The following PRAMEF19 variants were observed in gnomAD, a reference collection of about 807,000 sequenced individuals.
PRAMEF19 encodes the protein PRAME family member-like.
In PRAMEF19, 21 loss-of-function variants were observed where a neutral mutation model predicts 33.1. The observed-to-expected ratio is 0.63, with a 90% CI of 0.45 to 0.91. The LOEUF is 0.91. Ranked by LOEUF, PRAMEF19 falls within the 40% of genes least tolerant of loss-of-function variation. PRAMEF19 has a pLI of 0.00. For missense variants in PRAMEF19, 481 were observed against 585.2 expected (o/e 0.82, Z 1.84); for synonymous variants, 179 against 229.3 (o/e 0.78, Z 1.98).
intron 2 of PRAMEF19, 72 bp downstream of exon 2, chr1:13,370,577 C>G: frequency 6.3e-7 from 1 of 1,587,758 alleles, no homozygotes. Flanking sequence ...ACAGTAGATG[C>G]TGACTAGTGT....
At chr1:13,368,575 A>G (rs1244143092), downstream of PRAMEF19, among the ~76,000 whole-genome samples, 1 of 152,186 alleles carries the variant, frequency 6.6e-6, no homozygotes, top group Non-Finnish European at 1.5e-5. Context: ...CATGAAGGAC[A>G]GCAGAGAGTT....
intron 2 of PRAMEF19, 49 bp from the exon 3 acceptor site, chr1:13,369,689 C>G (rs754451257): frequency 1.2e-5 from 19 of 1,610,400 alleles, no homozygotes; most frequent in Non-Finnish European, 1.6e-5. Flanking sequence ...AGTTAGAGGA[C>G]GGTGGTAGAA....
exon 2 of PRAMEF19, chr1:13,371,188 A>G (rs1640668032): frequency 6.2e-7 from 1 of 1,611,882 alleles, no homozygotes; most frequent in Non-Finnish European, 8.5e-7. Flanking sequence ...AAAAATTCTC[A>G]TCAACATCCC....
At chr1:13,370,036 A>G (rs1640651853) in intron 2 of PRAMEF19, among the ~76,000 whole-genome samples, 2 of 152,224 alleles carry the variant, frequency 1.3e-5, no homozygotes, top group South Asian at 4.2e-4. Context: ...TCTGCAAACC[A>G]CCTGTCACTT....
exon 3 of PRAMEF19, chr1:13,369,606 T>C: frequency 6.2e-7 from 1 of 1,613,898 alleles, no homozygotes; most frequent in South Asian, 1.1e-5. Context: ...GAGCCATAAG[T>C]TAATGCCAAT....
At chr1:13,368,578 A>G (rs1172399200), downstream of PRAMEF19, among the ~76,000 whole-genome samples, 12 of 152,162 alleles carry the variant, frequency 7.9e-5, no homozygotes, top group Admixed American at 6.5e-4. Flanking sequence ...GAAGGACAGC[A>G]GAGAGTTTCC....
chr1:13,369,184 C>T, exon 3 of PRAMEF19: 1 of 1,612,006 alleles, frequency 6.2e-7, no homozygotes, highest in Non-Finnish European at 8.5e-7. Flanking sequence ...TTACTTCCCT[C>T]AGTATACGCA....
At chr1:13,371,697 G>A in exon 1 of PRAMEF19, 1 of 1,609,524 alleles carries the variant, frequency 6.2e-7, no homozygotes, top group Non-Finnish European at 8.5e-7. Flanking sequence ...TCTTCATCAG[G>A]GACCCCAGAG....
chr1:13,369,650 G>A lies in PRAMEF19; in HGVS notation c.867-10C>T, dbSNP rs1207445904. The stretch of plus-strand genomic sequence containing the variant: ...CGGGCTCTTGAGGCACCTGGGGAGA[G>A]CAAGAAGTTAGTACTGGGCAATGGC... On this transcript the variant is annotated splice_polypyrimidine_tract_variant and intron_variant, in intron 2 of 2. Coordinates refer to ENST00000376101, the Ensembl canonical transcript of PRAMEF19. 6.2e-7 allele frequency: 1 copy of A among 1,613,688 alleles called. No individual in the cohort carries two copies. The highest frequency in any genetic ancestry group is 8.5e-7 in the Non-Finnish European group (1 of 1,179,784).
At position 13,370,758 on chromosome 1, in the gene PRAMEF19, C is replaced by A; in HGVS notation, c.757G>T (p.Gly253Ter). The A allele has an allele frequency of 6.2e-7, 1 of 1,613,918 alleles. No individual in the cohort carries two copies. Among genetic ancestry groups the A allele is most frequent in the East Asian group, 2.2e-5 (1 of 44,880 alleles). ...GAGCTGAATTCAGCAACTAACTGTC[C>A]TTGGCTCTCAAAGCTTGGCAGGTAA... Residue 253 changes from glycine (G) to a stop codon, truncating the protein, a stop_gained, in exon 2 of 3, where the codon GGA becomes TGA. Coordinates refer to ENST00000376101, the Ensembl canonical transcript of PRAMEF19. LOFTEE classifies it high-confidence loss of function.
At chr1:13,368,715 A>G (rs1372947922), downstream of PRAMEF19, among the ~76,000 whole-genome samples, 3 of 152,184 alleles carry the variant, frequency 2.0e-5, no homozygotes, top group Non-Finnish European at 2.9e-5. Flanking sequence ...CAGTGACTCC[A>G]TTCAACCTTT....
chr1:13,368,824 C>T (rs1640631869), downstream of PRAMEF19, among the ~76,000 whole-genome samples: 3 of 152,076 alleles, frequency 2.0e-5, no homozygotes, highest in South Asian at 6.2e-4. Context: ...CTTTATAATA[C>T]ACCTATAGAC....
chr1:13,370,614 G>A (rs1413207241), intron 2 of PRAMEF19, 35 bp downstream of exon 2: 82,816 of 1,610,160 alleles, frequency 0.051, 3,393 homozygotes, highest in East Asian at 0.25. Flanking sequence ...AGGCTGTGCT[G>A]TGTCCCCCAG....
At chr1:13,368,823 A>G (rs753898581), downstream of PRAMEF19, among the ~76,000 whole-genome samples, 8,014 of 151,682 alleles carry the variant, frequency 0.053, 358 homozygotes, top group East Asian at 0.27. Flanking sequence ...CCTTTATAAT[A>G]CACCTATAGA....
intron 2 of PRAMEF19, 49 bp downstream of exon 2, chr1:13,370,600 A>T: frequency 6.2e-7 from 1 of 1,611,444 alleles, no homozygotes; most frequent in Non-Finnish European, 8.5e-7. Flanking sequence ...ACTGTAACAA[A>T]AAAAGGCTGT....
rs767548904 is a variant in PRAMEF19 at position 13,369,550 on chromosome 1, G to A, written c.957C>T (p.Leu319=). The change falls in exon 3 of 3, where the codon CTC becomes CTT. Residue 319 remains leucine, a synonymous_variant. Transcript: ENST00000376101. ...TCAGATTCAGCTGCTTCAGTTGACT[G>A]AGACTTGGGTACCAGGGCAGACATT... 2.5e-6 allele frequency: 4 copies of A among 1,613,796 alleles called. No individual in the cohort carries two copies. In the African/African-American group the frequency reaches 5.3e-5, roughly 22 times the overall value.
At chr1:13,370,058 C>G (rs1169235630) in intron 2 of PRAMEF19, among the ~76,000 whole-genome samples, 31 of 152,236 alleles carry the variant, frequency 2.0e-4, no homozygotes, top group Admixed American at 2.0e-3. Context: ...GTACCACTCT[C>G]GTGCCTACTC....
At chr1:13,370,592 T>C (rs2100383069) in intron 2 of PRAMEF19, 57 bp downstream of exon 2, 1 of 1,608,414 alleles carries the variant, frequency 6.2e-7, no homozygotes, top group South Asian at 1.1e-5. Context: ...TAGTGTTTAC[T>C]GTAACAAAAA....
chr1:13,369,944 A>G, intron 2 of PRAMEF19, among the ~76,000 whole-genome samples: 1 of 151,582 alleles, frequency 6.6e-6, no homozygotes, highest in Non-Finnish European at 1.5e-5. Flanking sequence ...AGTGGAAGAG[A>G]TGCCCAAAGA....
Sources: allele counts gnomAD v4.1 joint callset (sites outside exome capture counted in the v4.1 genomes callset), GRCh38; gene constraint gnomAD v4.1.1; transcripts MANE v1.5; gene names NCBI Gene and HGNC (gene_info 2026-07-23, HGNC 2026-07-21).